The following NCOA2 variants were observed in gnomAD, a reference collection of about 807,000 sequenced individuals.
NCOA2 encodes the protein class E basic helix-loop-helix protein 75.
NCOA2 carries 21 observed loss-of-function variants against 145.1 expected under a neutral mutation model. That is an observed-to-expected ratio of 0.14 (90% confidence interval 0.10 to 0.21). The LOEUF (loss-of-function observed/expected upper bound fraction) is 0.21. NCOA2 is among the 10% of genes least tolerant of loss of function. The probability of loss-of-function intolerance (pLI) is 1.00; values close to 1 mark genes in which losing one functional copy is unlikely to be tolerated. For missense variants in NCOA2, 1,472 were observed against 1,837.6 expected (o/e 0.80, Z 3.64); for synonymous variants, 619 against 637.5 (o/e 0.97, Z 0.44).
chr8:70,422,407 T>A, the NCOA2 span, among the ~76,000 whole-genome samples: 1 of 152,080 alleles, frequency 6.6e-6, no homozygotes, highest in Non-Finnish European at 1.5e-5. Context: ...CTGTGTTTTT[T>A]TTTTTTGTTG....
chr8:70,256,727 CAT>C (rs1249423109), intron 2 of NCOA2, among the ~76,000 whole-genome samples: 1 of 152,104 alleles, frequency 6.6e-6, no homozygotes. Context: ...CCAATTTACA[CAT>C]GAGGAAACTG....
At chr8:70,441,840 A>AAGAC in the NCOA2 span, among the ~76,000 whole-genome samples, 1,600 of 149,404 alleles carry the variant, frequency 0.011, 38 homozygotes, top group African/African-American at 0.038. Flanking sequence ...GAAAGAAAGA[A>AAGAC]AGACAGAAAG....
At chr8:70,447,402 T>A in the NCOA2 span, among the ~76,000 whole-genome samples, 1 of 152,158 alleles carries the variant, frequency 6.6e-6, no homozygotes, top group Non-Finnish European at 1.5e-5. Context: ...TCCAAAAAGA[T>A]CATGTAGCAA....
At chr8:70,319,368 C>T (rs1411024475) in intron 1 of NCOA2, among the ~76,000 whole-genome samples, 1 of 151,720 alleles carries the variant, frequency 6.6e-6, no homozygotes, top group African/African-American at 2.4e-5. Flanking sequence ...ATAGTGAAAC[C>T]CTGACTCTAC....
At chr8:70,332,920 A>G (rs1239102477) in intron 1 of NCOA2, among the ~76,000 whole-genome samples, 1 of 152,202 alleles carries the variant, frequency 6.6e-6, no homozygotes, top group Admixed American at 6.5e-5. Context: ...TACAATGCCT[A>G]GAACTTTATA....
intron 2 of NCOA2, among the ~76,000 whole-genome samples, chr8:70,275,218 G>A (rs1456014360): frequency 6.6e-6 from 1 of 151,994 alleles, no homozygotes; most frequent in Non-Finnish European, 1.5e-5. Context: ...AACTTTACTT[G>A]CAAAACTGTA....
chr8:70,355,000 C>T (rs1809558702), intron 1 of NCOA2, among the ~76,000 whole-genome samples: 1 of 152,170 alleles, frequency 6.6e-6, no homozygotes, highest in Non-Finnish European at 1.5e-5. Flanking sequence ...CGAATGTTTG[C>T]TTTGTCAGCT....
At chr8:70,269,046 G>A (rs1160436968) in intron 2 of NCOA2, among the ~76,000 whole-genome samples, 1 of 151,868 alleles carries the variant, frequency 6.6e-6, no homozygotes, top group Non-Finnish European at 1.5e-5. Flanking sequence ...AAGGGGGGGA[G>A]GACATGCATA....
intron 14 of NCOA2, among the ~76,000 whole-genome samples, chr8:70,139,516 G>A (rs1001470027): frequency 1.3e-5 from 2 of 152,046 alleles, no homozygotes; most frequent in African/African-American, 2.4e-5. Context: ...TCAATGTAGT[G>A]AGGCAATATA....
chr8:70,113,492 ACCAGGGCCAGG>A lies in NCOA2; in HGVS notation c.*129_*139del, dbSNP rs1457721342. On this transcript the variant is annotated 3_prime_UTR_variant, in exon 23 of 23. Transcript: ENST00000452400. ...CAGCCGAGTGGACGCCACCCTGGGA[ACCAGGGCCAGG>A]CCTGTCTGCTCTAGCAGAACCGGCT... is the stretch of plus-strand genomic sequence containing the variant. 3.2e-6 allele frequency: 3 copies of A among 928,768 alleles called. No homozygotes were observed. Among genetic ancestry groups the A allele is most frequent in the Non-Finnish European group, 3.3e-6 (2 of 606,440 alleles). 57.5% of individuals were successfully genotyped at this position (928,768 alleles called of 1,614,324 possible). A position where few individuals can be genotyped will look rare whatever the true frequency, so the allele number is the denominator to read the frequency against.
At chr8:70,169,484 G>A (rs1053245863) in intron 6 of NCOA2, among the ~76,000 whole-genome samples, 6 of 152,174 alleles carry the variant, frequency 3.9e-5, no homozygotes, top group Non-Finnish European at 7.3e-5. Context: ...TATGCTTCAT[G>A]TGCAGGACTC....
At position 70,109,943 on chromosome 8, in the gene NCOA2, TA is replaced by T. The variant is rs1806398386; in HGVS notation, c.*3688del. The T allele has an allele frequency of 5.3e-6, 1 of 189,450 alleles. No homozygotes were observed. Among genetic ancestry groups the T allele is most frequent in the Non-Finnish European group, 1.1e-5 (1 of 90,094 alleles). The allele number at this position is 189,450 out of a possible 1,614,324, so 11.7% of individuals were successfully genotyped here. A position where few individuals can be genotyped will look rare whatever the true frequency, so the allele number is the denominator to read the frequency against. On this transcript the variant is annotated 3_prime_UTR_variant, in exon 23 of 23. Coordinates refer to ENST00000452400, the MANE Select transcript of NCOA2 (RefSeq NM_006540.4). ...TTCTCTGAATATATCTACCTTTGCATAAACTGCTCACACTAGAAATACAAAC... is the reference window on the plus strand; with the variant it reads ...TTCTCTGAATATATCTACCTTTGCATAACTGCTCACACTAGAAATACAAAC...
chr8:70,313,923 C>T (rs1805330088), intron 1 of NCOA2, among the ~76,000 whole-genome samples: 1 of 152,068 alleles, frequency 6.6e-6, no homozygotes, highest in African/African-American at 2.4e-5. Context: ...GTAATCCCAG[C>T]ACTTTGGGAG....
At chr8:70,288,595 A>C (rs1185664388) in intron 2 of NCOA2, among the ~76,000 whole-genome samples, 3 of 152,266 alleles carry the variant, frequency 2.0e-5, no homozygotes, top group African/African-American at 7.2e-5. Context: ...CAAAAACAAA[A>C]AAAAAAAAGG....
intron 2 of NCOA2, among the ~76,000 whole-genome samples, chr8:70,277,580 T>C (rs1485149292): frequency 6.6e-6 from 1 of 152,182 alleles, no homozygotes; most frequent in Admixed American, 6.5e-5. Context: ...GTAATGTTAA[T>C]AGCAGTATTA....
intron 2 of NCOA2, among the ~76,000 whole-genome samples, chr8:70,236,748 T>C (rs746003711): frequency 2.0e-5 from 3 of 152,158 alleles, no homozygotes; most frequent in Non-Finnish European, 4.4e-5. Context: ...GCATTTGCAA[T>C]GTATTAGGTA....
chr8:70,410,473 G>C, the NCOA2 span, among the ~76,000 whole-genome samples: 1 of 152,184 alleles, frequency 6.6e-6, no homozygotes, highest in Non-Finnish European at 1.5e-5. Flanking sequence ...TGGGACTACA[G>C]GTGTGTGCCA....
At chr8:70,412,478 A>T in the NCOA2 span, among the ~76,000 whole-genome samples, 4 of 149,092 alleles carry the variant, frequency 2.7e-5, no homozygotes, top group South Asian at 6.3e-4. Context: ...CCTTTCTCTT[A>T]GTTTATCTCT....
rs978416691 is a variant in NCOA2 at position 70,113,627 on chromosome 8, C to G, written c.*5G>C. The G allele has an allele frequency of 1.3e-6, 2 of 1,551,970 alleles. No homozygotes were observed. On this transcript the variant is annotated 3_prime_UTR_variant, in exon 23 of 23. Transcript: ENST00000452400. ...CAGCTGAAGAAGCAACTGGCTTCAG[C>G]AGTGTCAGCAATATTTCTGTAGGAA...
Sources: gnomAD v4.1 joint callset for allele counts (sites outside exome capture counted in the v4.1 genomes callset) on GRCh38, gnomAD v4.1.1 for gene constraint, MANE v1.5 for transcripts, NCBI Gene and HGNC (gene_info 2026-07-23, HGNC 2026-07-21) for gene names.